Variants in GTPBP4 observed in about 807,000 individuals in gnomAD.
GTPBP4 encodes GTP-binding protein 4.
A neutral mutation model predicts 81.7 loss-of-function variants in GTPBP4; 15 were observed. The ratio of observed to expected loss-of-function variants is 0.18; its 90% CI spans 0.12 to 0.28. GTPBP4 has a LOEUF of 0.28. Among genes scored for constraint, GTPBP4 ranks in the 10% least tolerant of loss-of-function variants. GTPBP4 has a pLI of 1.00. For missense variants in GTPBP4, 847 were observed against 793.8 expected (o/e 1.07, Z -0.81); for synonymous variants, 272 against 274.6 (o/e 0.99, Z 0.09).
chr10:1,014,717 AG>A, intron 15 of GTPBP4, among the ~76,000 whole-genome samples: 1 of 152,256 alleles, frequency 6.6e-6, no homozygotes, highest in East Asian at 1.9e-4. Flanking sequence ...GGGAAATTAC[AG>A]CAAAAAGAAA....
intron 15 of GTPBP4, among the ~76,000 whole-genome samples, chr10:1,015,513 T>A (rs12254732): frequency 6.0e-5 from 1 of 16,714 alleles, no homozygotes; most frequent in East Asian, 1.3e-3. Flanking sequence ...GGTCCTGAGC[T>A]CTGAGCCTGG....
In GTPBP4 at chr10:1,019,798, G is replaced by A; in HGVS notation, c.*2571G>A. 1 of 1,614,030 alleles carries A rather than the reference G, an allele frequency of 6.2e-7. No homozygotes were observed. Among genetic ancestry groups the A allele is most frequent in the South Asian group, 1.1e-5 (1 of 91,064 alleles). ...ATTCTGTCTGATTTTGCCTTGTGGT[G>A]ATAGATTGTCATGAACACAATGTCC... On this transcript the variant is annotated 3_prime_UTR_variant, in exon 17 of 17. Coordinates refer to ENST00000360803, the MANE Select transcript of GTPBP4 (RefSeq NM_012341.3).
intron 5 of GTPBP4, among the ~76,000 whole-genome samples, chr10:998,487 G>T (rs1394090746): frequency 6.6e-6 from 1 of 152,148 alleles, no homozygotes; most frequent in Non-Finnish European, 1.5e-5. Context: ...AGCTCTGCAG[G>T]GTCCTTGCTG....
Position 1,019,508 on chromosome 10 carries a change from C to G in GTPBP4, c.*2281C>G. 6.2e-7 allele frequency: 1 copy of G among 1,605,998 alleles called. No homozygotes were observed. The highest frequency in any genetic ancestry group is 8.5e-7 in the Non-Finnish European group (1 of 1,174,326). On this transcript the variant is annotated 3_prime_UTR_variant, in exon 17 of 17. Transcript: ENST00000360803. ...GCATTACACATGGCTGACTCGACCT[C>G]CCTGCCTCTCACACTCTGTGTATTT...
At chr10:992,878 A>C (rs1831470210) in intron 2 of GTPBP4, among the ~76,000 whole-genome samples, 1 of 152,236 alleles carries the variant, frequency 6.6e-6, no homozygotes, top group African/African-American at 2.4e-5. Flanking sequence ...TCCTCCAACC[A>C]AAACCCATCT....
intron 14 of GTPBP4, 22 bp from the exon 15 acceptor site, chr10:1,014,225 T>C: frequency 6.8e-7 from 1 of 1,469,404 alleles, no homozygotes; most frequent in Non-Finnish European, 9.5e-7. Context: ...TTAAAGCTAA[T>C]ATTTCTTTTT....
intron 5 of GTPBP4, 42 bp downstream of exon 5, chr10:997,350 T>G (rs779158237): frequency 9.5e-7 from 1 of 1,054,618 alleles, no homozygotes; most frequent in Admixed American, 1.7e-5. Context: ...TCTGACTATT[T>G]TACGTCAGTG....
chr10:1,009,176 C>G, intron 11 of GTPBP4, 141 bp downstream of exon 11: 1 of 639,288 alleles, frequency 1.6e-6, no homozygotes, highest in Non-Finnish European at 2.8e-6. Context: ...AGCAGTGAGT[C>G]CCCCTGCAGA....
In GTPBP4 at chr10:1,012,611, G is replaced by A; in HGVS notation, c.1491G>A (p.Glu497=). 6.2e-7 allele frequency: 1 copy of A among 1,614,024 alleles called. No homozygotes were observed. The highest frequency in any genetic ancestry group is 1.7e-5 in the Admixed American group (1 of 59,998). Residue 497 remains glutamate, a synonymous_variant, in exon 14 of 17, where the codon GAG becomes GAA. Transcript: ENST00000360803. ...AGAAAAAGAAGTTGAAAATTCTGGA[G>A]TCCAAAGAAAAGAATACACAGGGAC... ...IREKKKLKIL[E]SKEKNTQGPR...
chr10:997,255 A>G lies in GTPBP4; in HGVS notation c.508A>G (p.Thr170Ala), dbSNP rs1347532006. The stretch of plus-strand genomic sequence containing the variant: ...GCCAACCATTGATCCGAATACCAGG[A>G]CCCTGCTTTTGTGTGGGTACCCAAA... Reference protein sequence around the residue: ...RLPTIDPNTRTLLLCGYPNVG... With the variant: ...RLPTIDPNTRALLLCGYPNVG... The change falls in exon 5 of 17, where the codon ACC becomes GCC. Residue 170 changes from threonine (T) to alanine (A), a missense_variant. Transcript: ENST00000360803. The G allele has an allele frequency of 6.2e-7, 1 of 1,610,762 alleles. No individual in the cohort carries two copies. The highest frequency in any genetic ancestry group is 1.1e-5 in the South Asian group (1 of 91,002).
intron 13 of GTPBP4, 57 bp downstream of exon 13, chr10:1,010,577 T>A: frequency 1.1e-6 from 1 of 946,486 alleles, no homozygotes; most frequent in Non-Finnish European, 1.8e-6. Flanking sequence ...GTAGTATTGC[T>A]GGAAGATAGC....
Position 996,184 on chromosome 10 carries a change from G to A in GTPBP4, c.402G>A (p.Leu134=), listed in dbSNP as rs1297158875. The change falls in exon 4 of 17, where the codon CTG becomes CTA. Residue 134 remains leucine (L), a synonymous_variant. Coordinates refer to ENST00000360803, the MANE Select transcript of GTPBP4 (RefSeq NM_012341.3). ...GCAAACAGCTGAAGCGTGCGGCCCT[G>A]GGACGGATGTGCACAGTGATCAAGA... ...YRCKQLKRAA[L]GRMCTVIKRQ... is the part of the protein sequence containing the mutation. 6.2e-7 allele frequency: 1 copy of A among 1,614,056 alleles called. No individual in the cohort carries two copies. The highest frequency in any genetic ancestry group is 1.1e-5 in the South Asian group (1 of 91,062).
intron 8 of GTPBP4, among the ~76,000 whole-genome samples, chr10:1,004,507 G>A (rs1163274789): frequency 6.6e-6 from 1 of 152,058 alleles, no homozygotes; most frequent in Non-Finnish European, 1.5e-5. Flanking sequence ...CCTGAGGGTT[G>A]TGACTCTTCT....
chr10:1,019,459 A>G lies in GTPBP4; in HGVS notation c.*2232A>G, dbSNP rs371366202. 86 of 1,402,858 alleles carry G rather than the reference A, an allele frequency of 6.1e-5. No individual in the cohort carries two copies. Among genetic ancestry groups the G allele is most frequent in the East Asian group, 1.7e-4 (7 of 41,478 alleles). The allele number at this position is 1,402,858 out of a possible 1,614,324, so 86.9% of individuals were successfully genotyped here. ...TTGGAGAGGGTGTATCATTGCCTCA[A>G]TGGTGCGTCTGCCTGCACTGAGGGC... On this transcript the variant is annotated 3_prime_UTR_variant, in exon 17 of 17. Coordinates refer to ENST00000360803, the MANE Select transcript of GTPBP4 (RefSeq NM_012341.3).
In GTPBP4 at chr10:1,009,578, A is replaced by C. The variant is rs1374751614; in HGVS notation, c.1241A>C (p.Gln414Pro). ...EMGDDYILDLQKYWDLMNLSE... is the reference protein window; with the variant it reads ...EMGDDYILDLPKYWDLMNLSE... ...GGAGATGATTATATTTTGGATCTTC[A>C]GAGTAAGGGCCAGAGTGTGATCATT... Residue 414 changes from glutamine (Q) to proline (P), a missense_variant and splice_region_variant, in exon 12 of 17, where the codon CAG becomes CCG. Physicochemically the swap from Gln to Pro is moderately conservative, Grantham distance 76 (BLOSUM62 -1). Coordinates refer to ENST00000360803, the MANE Select transcript of GTPBP4 (RefSeq NM_012341.3). 2 of 1,561,168 alleles carry C rather than the reference A, an allele frequency of 1.3e-6. No homozygotes were observed. The highest frequency in any genetic ancestry group is 1.7e-5 in the Admixed American group (1 of 59,978).
At chr10:988,627 C>A in intron 1 of GTPBP4, 100 bp downstream of exon 1, 1 of 870,286 alleles carries the variant, frequency 1.1e-6, no homozygotes, top group South Asian at 1.4e-5. Context: ...GGTCGCCTTC[C>A]GCTCGCCCAT....
Position 1,019,663 on chromosome 10 carries a change from A to G in GTPBP4, c.*2436A>G, listed in dbSNP as rs113442797. ...CTCGCCTCCCTCTCCAGCAGCTCCC[A>G]CAGCTCCTCCTGGGACAGGTAGAGG... On this transcript the variant is annotated 3_prime_UTR_variant, in exon 17 of 17. Transcript: ENST00000360803. 5.5e-4 allele frequency: 893 copies of G among 1,613,982 alleles called. 5 individuals are homozygous for G. The African/African-American group carries it at 0.01, about 18-fold the overall frequency.
intron 4 of GTPBP4, chr10:996,511 T>C (rs1831540111): frequency 7.3e-6 from 2 of 274,276 alleles, no homozygotes; most frequent in South Asian, 2.9e-4. Flanking sequence ...CTGAAAAGTA[T>C]AAAAACTAAG....
At chr10:1,004,397 G>A (rs555123949) in intron 8 of GTPBP4, among the ~76,000 whole-genome samples, 3 of 152,248 alleles carry the variant, frequency 2.0e-5, no homozygotes, top group Admixed American at 6.5e-5. Context: ...AGCTGTTTGC[G>A]TGGTGGGGCA....
Sources: allele counts gnomAD v4.1 joint callset (sites outside exome capture counted in the v4.1 genomes callset), GRCh38; gene constraint gnomAD v4.1.1; transcripts MANE v1.5; gene names NCBI Gene and HGNC (gene_info 2026-07-23, HGNC 2026-07-21).